Variants in CLUAP1 observed in about 807,000 individuals in gnomAD.
CLUAP1 encodes the protein intraflagellar transport 38, also known as clusterin-associated protein 1.
CLUAP1 carries 50 observed loss-of-function variants against 55.0 expected under a neutral mutation model. The observed-to-expected ratio is 0.91, with a 90% CI of 0.72 to 1.15. CLUAP1 has a LOEUF of 1.15. Among genes scored for constraint, CLUAP1 ranks in the 50% most tolerant of loss-of-function variants. CLUAP1 has a pLI of 0.00. For synonymous variants in CLUAP1, 195 were observed against 175.4 expected (o/e 1.11, Z -0.88); for missense variants, 530 against 507.6 (o/e 1.04, Z -0.42).
At chr16:3,505,193 A>G (rs2151041549) in intron 2 of CLUAP1, among the ~76,000 whole-genome samples, 1 of 152,052 alleles carries the variant, frequency 6.6e-6, no homozygotes, top group East Asian at 1.9e-4. Flanking sequence ...GCCACTGATC[A>G]TGCTATTGCA....
chr16:3,506,297 A>T, intron 2 of CLUAP1, 34 bp from the exon 3 acceptor site: 1 of 1,548,316 alleles, frequency 6.5e-7, no homozygotes, highest in South Asian at 1.1e-5. Context: ...CTCCTTGGTT[A>T]ACCCGTGCTC....
rs145446315 is a variant in CLUAP1 at position 3,525,173 on chromosome 16, G to A, written c.856-1239G>A. Among the ~76,000 whole-genome samples, 136 of 152,272 alleles carry A rather than the reference G, an allele frequency of 8.9e-4. 1 individual carries two copies. Among genetic ancestry groups the A allele is most frequent in the African/African-American group, 3.0e-3 (126 of 41,540 alleles). ...AAATGGTACGGGACAGGCACATTTC[G>A]AGGGCACTAGAAAGAGCTTGGAGTT... On this transcript the variant is annotated intron_variant, in intron 8 of 11. Coordinates refer to ENST00000576634, the MANE Select transcript of CLUAP1 (RefSeq NM_015041.3).
In CLUAP1 at chr16:3,512,376, C is replaced by A; in HGVS notation, c.400-7C>A. ...TGAGGTTTCTGTTTTTGTTATTTTC[C>A]TTCCAGATTGCAGATTTGAAGGCAG... On this transcript the variant is annotated splice_polypyrimidine_tract_variant and splice_region_variant and intron_variant, in intron 4 of 11. Transcript: ENST00000576634. 1 of 1,611,350 alleles carries A rather than the reference C, an allele frequency of 6.2e-7. No homozygotes were observed. Among genetic ancestry groups the A allele is most frequent in the Non-Finnish European group, 8.5e-7 (1 of 1,177,648 alleles).
chr16:3,533,425 C>A (rs2038169199), intron 11 of CLUAP1: 2 of 489,260 alleles, frequency 4.1e-6, no homozygotes, highest in Admixed American at 6.5e-5. Flanking sequence ...GAGGGCCGGG[C>A]TCAGGACCAA....
chr16:3,499,711 C>A (rs779696042), upstream of CLUAP1, among the ~76,000 whole-genome samples: 4 of 152,160 alleles, frequency 2.6e-5, no homozygotes, highest in Non-Finnish European at 5.9e-5. Flanking sequence ...TGCATATTTT[C>A]TTCTAGACTG....
intron 9 of CLUAP1, 194 bp from the exon 10 acceptor site, chr16:3,530,374 C>T (rs1250220734): frequency 1.9e-6 from 1 of 532,124 alleles, no homozygotes; most frequent in Non-Finnish European, 3.3e-6. Flanking sequence ...GCCTGAGGTA[C>T]ATGTATTAAT....
upstream of CLUAP1, among the ~76,000 whole-genome samples, chr16:3,500,417 C>G (rs1413988398): frequency 6.7e-6 from 1 of 150,332 alleles, no homozygotes; most frequent in African/African-American, 2.5e-5. Context: ...GTCGCCAGGC[C>G]GAAGGGCAGT....
At chr16:3,522,056 C>G (rs115237330) in intron 7 of CLUAP1, among the ~76,000 whole-genome samples, 1,941 of 152,092 alleles carry the variant, frequency 0.013, 50 homozygotes, top group African/African-American at 0.045. Context: ...GAGACCCTGT[C>G]TCAACAAACA....
chr16:3,529,515 A>ATTATAT (rs2038025384), intron 9 of CLUAP1, among the ~76,000 whole-genome samples: 17 of 63,940 alleles, frequency 2.7e-4, no homozygotes, highest in Non-Finnish European at 4.3e-4. Flanking sequence ...TATATTATAT[A>ATTATAT]ATTATATATT....
intron 5 of CLUAP1, among the ~76,000 whole-genome samples, chr16:3,514,552 TACTTTGTTCA>T (rs1187452385): frequency 6.6e-6 from 1 of 152,196 alleles, no homozygotes; most frequent in Non-Finnish European, 1.5e-5. Context: ...AACCTTGTCT[TACTTTGTTCA>T]GGCTGCCGTC....
intron 9 of CLUAP1, among the ~76,000 whole-genome samples, chr16:3,527,200 C>A (rs1276444115): frequency 1.2e-4 from 19 of 152,030 alleles, no homozygotes; most frequent in Non-Finnish European, 1.9e-4. Context: ...AATAGTTATA[C>A]TAGATATAGA....
At chr16:3,516,526 C>G (rs1399286608) in intron 6 of CLUAP1, among the ~76,000 whole-genome samples, 1 of 151,938 alleles carries the variant, frequency 6.6e-6, no homozygotes, top group Non-Finnish European at 1.5e-5. Flanking sequence ...GAGCCACGTT[C>G]CTCACTGTTG....
rs1398965778 is a variant in CLUAP1 at position 3,538,317 on chromosome 16, T to C, written c.*2046T>C. On this transcript the variant is annotated 3_prime_UTR_variant, in exon 12 of 12. Transcript: ENST00000576634. ...TAAATTTTATGTATAAGATTACCCC[T>C]AAAAAAAAAAAAACAGCCAGTATTC... 7.3e-6 allele frequency: 1 copy of C among 137,176 alleles called. No individual in the cohort carries two copies. Among genetic ancestry groups the C allele is most frequent in the East Asian group, 2.1e-4 (1 of 4,756 alleles). The allele number at this position is 137,176 out of a possible 1,614,324, so 8.5% of individuals were successfully genotyped here.
intron 7 of CLUAP1, among the ~76,000 whole-genome samples, chr16:3,522,309 A>G (rs1273026228): frequency 6.7e-6 from 1 of 150,244 alleles, no homozygotes; most frequent in Non-Finnish European, 1.5e-5. Context: ...GATTACAGGC[A>G]TGTGCCACCA....
chr16:3,533,659 G>C (rs534018809), intron 11 of CLUAP1: 1 of 159,806 alleles, frequency 6.3e-6, no homozygotes, highest in African/African-American at 2.4e-5. Flanking sequence ...TCTTTGTTGC[G>C]TCCCTGGCAG....
chr16:3,522,268 G>A (rs8049326), intron 7 of CLUAP1, among the ~76,000 whole-genome samples: 62,962 of 151,686 alleles, frequency 0.42, 16,124 homozygotes, highest in African/African-American at 0.73. Flanking sequence ...GGTTCAAGCA[G>A]TTCTCCTGCC....
chr16:3,502,918 A>T (rs1436482108), intron 1 of CLUAP1, among the ~76,000 whole-genome samples: 2 of 152,210 alleles, frequency 1.3e-5, no homozygotes, highest in Non-Finnish European at 1.5e-5. Context: ...ACAGAACTTG[A>T]CTAGTACCTA....
At chr16:3,504,560 A>G (rs1266382686) in intron 1 of CLUAP1, among the ~76,000 whole-genome samples, 160 bp from the exon 2 acceptor site, 2 of 152,198 alleles carry the variant, frequency 1.3e-5, no homozygotes, top group Admixed American at 6.6e-5. Flanking sequence ...GGTATTTTAA[A>G]TTTTATCTCC....
chr16:3,512,593 C>A, intron 5 of CLUAP1, 115 bp downstream of exon 5: 1 of 772,006 alleles, frequency 1.3e-6, no homozygotes, highest in Non-Finnish European at 2.2e-6. Flanking sequence ...GTTGAATGAG[C>A]TAATGTGTGG....
Sources: gnomAD v4.1 joint callset for allele counts (sites outside exome capture counted in the v4.1 genomes callset) on GRCh38, gnomAD v4.1.1 for gene constraint, MANE v1.5 for transcripts, NCBI Gene and HGNC (gene_info 2026-07-23, HGNC 2026-07-21) for gene names.